GLRB: variants seen among roughly 807,000 people sequenced by gnomAD.
The protein encoded by GLRB is glycine receptor beta.
GLRB carries 33 observed loss-of-function variants against 54.2 expected under a neutral mutation model. That is an observed-to-expected ratio of 0.61 (90% CI 0.46 to 0.81). The LOEUF is 0.81. GLRB is among the 40% of genes least tolerant of loss of function. The probability of loss-of-function intolerance (pLI) is 0.00; values close to 1 mark genes in which losing one functional copy is unlikely to be tolerated. For missense variants in GLRB, 572 were observed against 584.6 expected (o/e 0.98, Z 0.22); for synonymous variants, 209 against 208.2 (o/e 1.00, Z -0.03).
chr4:157,121,463 T>G (rs1735817465), intron 3 of GLRB, among the ~76,000 whole-genome samples: 1 of 151,400 alleles, frequency 6.6e-6, no homozygotes, highest in South Asian at 2.1e-4. Flanking sequence ...TTGATTTTTT[T>G]TTTTTTTGCC....
rs1024033857 is a variant in GLRB at position 157,152,727 on chromosome 4, C to T, written c.914C>T (p.Ser305Leu). Residue 305 changes from serine (S) to leucine (L), a missense_variant, in exon 9 of 10, where the codon TCA (serine) becomes TTA (leucine). Physicochemically the swap from Ser to Leu is moderately radical, Grantham distance 145. Coordinates refer to ENST00000264428, the MANE Select transcript of GLRB (RefSeq NM_000824.5). ...SAARVPLGIF[S>L]VLSLASECTT... ...CTTTCTGTTTCTGTAGGTATCTTCT[C>T]AGTCCTCAGCTTGGCCTCTGAGTGC... 3.7e-6 allele frequency: 6 copies of T among 1,613,048 alleles called. No homozygotes were observed. The highest frequency in any genetic ancestry group is 5.1e-6 in the Non-Finnish European group (6 of 1,179,206).
intron 9 of GLRB, among the ~76,000 whole-genome samples, chr4:157,153,460 C>A (rs1398831892): frequency 6.6e-6 from 1 of 152,132 alleles, no homozygotes; most frequent in Non-Finnish European, 1.5e-5. Context: ...ACCCACCATT[C>A]CCCATTACAT....
chr4:157,104,151 T>C (rs2126489221), intron 2 of GLRB, among the ~76,000 whole-genome samples: 1 of 152,312 alleles, frequency 6.6e-6, no homozygotes, highest in Non-Finnish European at 1.5e-5. Context: ...ATAAAAGCTT[T>C]CAGTTTTCAC....
In GLRB at chr4:157,076,728, C is replaced by G. The variant is rs2343760; in HGVS notation, c.-30+431C>G. On this transcript the variant is annotated intron_variant, in intron 1 of 9. Transcript: ENST00000264428. ...TAGGGGGGCTCGGCCCTCCTTTTTG[C>G]GGGGGCAAGGATGTGAAAGTGGGAG... Among the ~76,000 whole-genome samples the G allele has an allele frequency of 7.5e-3, 1,144 of 151,752 alleles. 20 individuals are homozygous for G. The East Asian group carries it at 0.098, about 13-fold the overall frequency.
At chr4:157,162,217 C>T (rs2126623770) in intron 9 of GLRB, among the ~76,000 whole-genome samples, 1 of 152,270 alleles carries the variant, frequency 6.6e-6, no homozygotes, top group African/African-American at 2.4e-5. Context: ...CTGTTTATTT[C>T]AGTTAACCAT....
chr4:157,108,139 C>T (rs1308831985), intron 2 of GLRB, among the ~76,000 whole-genome samples: 2 of 152,104 alleles, frequency 1.3e-5, no homozygotes, highest in African/African-American at 4.8e-5. Context: ...CACCTGGTCA[C>T]CCAAGAGCTC....
chr4:157,127,327 A>G (rs1337065893), intron 4 of GLRB, among the ~76,000 whole-genome samples: 1 of 151,748 alleles, frequency 6.6e-6, no homozygotes, highest in Non-Finnish European at 1.5e-5. Flanking sequence ...TAGATTTTAC[A>G]TCTTAGATGT....
At chr4:157,107,269 A>C (rs1254066189) in intron 2 of GLRB, among the ~76,000 whole-genome samples, 2 of 152,082 alleles carry the variant, frequency 1.3e-5, no homozygotes, top group Admixed American at 1.3e-4. Flanking sequence ...TCAGGTGAAA[A>C]GAAGGGCTGC....
intron 1 of GLRB, among the ~76,000 whole-genome samples, chr4:157,077,569 A>G (rs1286394635): frequency 2.0e-5 from 3 of 152,058 alleles, no homozygotes; most frequent in Non-Finnish European, 4.4e-5. Context: ...TAAAAATTTA[A>G]AAAGAAAAAG....
chr4:157,111,672 G>C (rs1395384514), intron 2 of GLRB, among the ~76,000 whole-genome samples: 4 of 151,960 alleles, frequency 2.6e-5, no homozygotes, highest in Non-Finnish European at 5.9e-5. Flanking sequence ...TTATGTCCTT[G>C]AGGGGGAGTA....
rs532052839 is a variant in GLRB at position 157,127,006 on chromosome 4, A to G, written c.297+4609A>G. Among the ~76,000 whole-genome samples, 13 of 151,666 alleles carry G rather than the reference A, an allele frequency of 8.6e-5. No homozygotes were observed. The South Asian group carries it at 2.5e-3, about 29-fold the overall frequency. Reference sequence around the variant, plus strand: ...CTTTTTGTTCCATGACTTTTTGTTTATTTTAATAATAGATTGCAACTCCTT... The same window carrying G: ...CTTTTTGTTCCATGACTTTTTGTTTGTTTTAATAATAGATTGCAACTCCTT... On this transcript the variant is annotated intron_variant, in intron 4 of 9. Transcript: ENST00000264428.
At chr4:157,079,650 A>G (rs888519594) in intron 2 of GLRB, among the ~76,000 whole-genome samples, 1 of 152,086 alleles carries the variant, frequency 6.6e-6, no homozygotes, top group Non-Finnish European at 1.5e-5. Context: ...GCCCAGCTGG[A>G]TATCAGCTGG....
chr4:157,095,966 G>A (rs1056510545), intron 2 of GLRB, among the ~76,000 whole-genome samples: 1 of 152,178 alleles, frequency 6.6e-6, no homozygotes, highest in Admixed American at 6.5e-5. Context: ...TAGGAACTTT[G>A]CCTAAAAGGG....
Position 157,094,583 on chromosome 4 carries a change from G to A in GLRB, c.122+16437G>A, listed in dbSNP as rs1054841670. Among the ~76,000 whole-genome samples, 4 of 152,136 alleles carry A rather than the reference G, an allele frequency of 2.6e-5. No individual in the cohort carries two copies. The South Asian group carries it at 8.3e-4, about 32-fold the overall frequency. On this transcript the variant is annotated intron_variant, in intron 2 of 9. Coordinates refer to ENST00000264428, the MANE Select transcript of GLRB (RefSeq NM_000824.5). ...CTAATTGAAAAGAGAGTAGCCTAAA[G>A]GCCAAAAGAGGGTAGCCTAAAGGCC...
rs1737919891 is a variant in GLRB at position 157,171,464 on chromosome 4, C to T, written c.*736C>T. 1 of 152,148 alleles carries T rather than the reference C, an allele frequency of 6.6e-6. No individual in the cohort carries two copies. The highest frequency in any genetic ancestry group is 2.1e-4 in the South Asian group (1 of 4,818). The allele number at this position is 152,148 out of a possible 1,614,324, so 9.4% of individuals were successfully genotyped here. On this transcript the variant is annotated 3_prime_UTR_variant, in exon 10 of 10. Transcript: ENST00000264428. Reference sequence around the variant, plus strand: ...ATAAACAAAATTCTATTTAATCCACCTTAAAACCTAAATGTATTTTCATGG... The same window carrying T: ...ATAAACAAAATTCTATTTAATCCACTTTAAAACCTAAATGTATTTTCATGG...
intron 2 of GLRB, among the ~76,000 whole-genome samples, chr4:157,115,734 A>T (rs1287725799): frequency 6.6e-6 from 1 of 151,918 alleles, no homozygotes; most frequent in Middle Eastern, 3.4e-3. Context: ...CTGTTATCTA[A>T]CAAAGAGGCA....
rs749901389 is a variant in GLRB at position 157,078,121 on chromosome 4, A to G, written c.97A>G (p.Lys33Glu). ...AAAGTCTTCAAAGAAAGGGAAGGGG[A>G]AAAAGAAGCAGTATCTATGCCCATC... ...KEKSSKKGKGKKKQYLCPSQQ... is the reference protein window; with the variant it reads ...KEKSSKKGKGEKKQYLCPSQQ... Residue 33 changes from lysine to glutamate, a missense_variant, in exon 2 of 10, where the codon AAA becomes GAA. By Grantham distance (56) the Lys-to-Glu change is moderately conservative. Coordinates refer to ENST00000264428, the MANE Select transcript of GLRB (RefSeq NM_000824.5). 4 of 1,611,866 alleles carry G rather than the reference A, an allele frequency of 2.5e-6. No individual in the cohort carries two copies. Among genetic ancestry groups the G allele is most frequent in the Non-Finnish European group, 2.5e-6 (3 of 1,178,212 alleles).
chr4:157,124,674 C>T (rs1347987421), intron 4 of GLRB, among the ~76,000 whole-genome samples: 1 of 151,700 alleles, frequency 6.6e-6, no homozygotes. Context: ...TGAATAATGT[C>T]GTTACTACAG....
chr4:157,080,247 A>T (rs1356566918), intron 2 of GLRB, among the ~76,000 whole-genome samples: 2 of 152,180 alleles, frequency 1.3e-5, no homozygotes, highest in African/African-American at 4.8e-5. Flanking sequence ...GGAAGACCCA[A>T]CATATACCTG....
Sources: gnomAD v4.1 joint callset for allele counts (sites outside exome capture counted in the v4.1 genomes callset) on GRCh38, gnomAD v4.1.1 for gene constraint, MANE v1.5 for transcripts, NCBI Gene and HGNC (gene_info 2026-07-23, HGNC 2026-07-21) for gene names.